The following PRDM16 variants were observed in gnomAD, a reference collection of about 807,000 sequenced individuals.
The protein encoded by PRDM16 is histone-lysine N-methyltransferase PRDM16.
A neutral mutation model predicts 110.6 loss-of-function variants in PRDM16; 23 were observed. The ratio of observed to expected loss-of-function variants is 0.21; its 90% CI spans 0.15 to 0.29. The LOEUF (loss-of-function observed/expected upper bound fraction) is 0.29, where lower values mean the gene tolerates loss of function less well. PRDM16 is among the 10% of genes least tolerant of loss of function. The pLI, the probability that PRDM16 is intolerant of heterozygous loss-of-function variation, is 1.00. For synonymous variants in PRDM16, 799 were observed against 781.8 expected (o/e 1.02, Z -0.37); for missense variants, 1,615 against 1,794.3 (o/e 0.90, Z 1.81).
chr1:3,194,714 A>ATCGTCT (rs1557520301), intron 2 of PRDM16, among the ~76,000 whole-genome samples: 1 of 149,846 alleles, frequency 6.7e-6, no homozygotes, highest in Non-Finnish European at 1.5e-5. Context: ...GCCACACGCC[A>ATCGTCT]CCGTCTCCCC....
chr1:3,361,007 T>A (rs2100558213), intron 3 of PRDM16, among the ~76,000 whole-genome samples: 2 of 152,340 alleles, frequency 1.3e-5, no homozygotes, highest in Admixed American at 1.3e-4. Flanking sequence ...GCCACTTGTG[T>A]GTGCTGGAGC....
At chr1:3,253,473 C>T (rs1009859403) in intron 3 of PRDM16, among the ~76,000 whole-genome samples, 6 of 150,604 alleles carry the variant, frequency 4.0e-5, no homozygotes, top group African/African-American at 1.5e-4. Flanking sequence ...GTTTTTTGTC[C>T]TTGCGATAGT....
chr1:3,203,580 C>T (rs1453796753), intron 2 of PRDM16, among the ~76,000 whole-genome samples: 1 of 142,412 alleles, frequency 7.0e-6, no homozygotes, highest in Non-Finnish European at 1.5e-5. Context: ...CGTTTCTCTC[C>T]CCGGGGGGGC....
intron 3 of PRDM16, among the ~76,000 whole-genome samples, chr1:3,260,810 A>G (rs1463510209): frequency 4.4e-5 from 1 of 22,906 alleles, no homozygotes; most frequent in Non-Finnish European, 9.4e-5. Context: ...TGATGATGAT[A>G]CCATTGATGA....
intron 2 of PRDM16, among the ~76,000 whole-genome samples, chr1:3,241,091 G>C (rs903088933): frequency 6.6e-6 from 1 of 152,326 alleles, no homozygotes; most frequent in African/African-American, 2.4e-5. Flanking sequence ...CGGGGAGCGC[G>C]TCCCGCCATT....
At chr1:3,423,816 G>A (rs1395585144) in intron 12 of PRDM16, among the ~76,000 whole-genome samples, 1 of 152,260 alleles carries the variant, frequency 6.6e-6, no homozygotes, top group African/African-American at 2.4e-5. Flanking sequence ...CTGCTGCAGT[G>A]GGTAGACTTT....
chr1:3,313,739 C>T (rs577284812), intron 3 of PRDM16, among the ~76,000 whole-genome samples: 6 of 152,304 alleles, frequency 3.9e-5, no homozygotes, highest in East Asian at 1.9e-4. Flanking sequence ...CCTGCCCCGG[C>T]GGGCCTGGGA....
chr1:3,149,879 G>A (rs776237761), intron 1 of PRDM16, among the ~76,000 whole-genome samples: 3 of 152,178 alleles, frequency 2.0e-5, no homozygotes, highest in Non-Finnish European at 4.4e-5. Context: ...TCTGAGATGC[G>A]TGTACTCCTG....
At chr1:3,326,121 G>C (rs7550743) in intron 3 of PRDM16, among the ~76,000 whole-genome samples, 278 of 25,622 alleles carry the variant, frequency 0.011, 1 homozygote, top group Middle Eastern at 0.042. Flanking sequence ...CTTGGCCCTC[G>C]TTGGCCATCC....
At chr1:3,128,161 G>T (rs1036628736) in intron 1 of PRDM16, 1 of 154,534 alleles carries the variant, frequency 6.5e-6, no homozygotes, top group African/African-American at 2.4e-5. Context: ...TTGAAGACTA[G>T]ATCTGGGTCT....
rs1352103066 is a variant in PRDM16, at chr1:3,157,012, T to G, written c.38-29113T>G. Among the ~76,000 whole-genome samples the G allele has an allele frequency of 6.6e-6, 1 of 152,050 alleles. No homozygotes were observed. Among genetic ancestry groups the G allele is most frequent in the Non-Finnish European group, 1.5e-5 (1 of 68,000 alleles). On this transcript the variant is annotated intron_variant, in intron 1 of 16. Transcript: ENST00000270722. The surrounding 1 kb of genome is among the most constrained non-coding windows in gnomAD (Gnocchi z 4.8). ...GTGGTGCAAGCTGTAAGCCAGTGAG[T>G]GTCTGGTTAGAGGCTGGGCTGGGGC...
At chr1:3,144,293 G>A (rs1643604876) in intron 1 of PRDM16, among the ~76,000 whole-genome samples, 1 of 152,184 alleles carries the variant, frequency 6.6e-6, no homozygotes, top group African/African-American at 2.4e-5. Flanking sequence ...AGGGAGAGAG[G>A]CGCCGGCCAT....
At chr1:3,344,541 C>T (rs1642327666) in intron 3 of PRDM16, among the ~76,000 whole-genome samples, 1 of 152,154 alleles carries the variant, frequency 6.6e-6, no homozygotes, top group Non-Finnish European at 1.5e-5. Flanking sequence ...TTTGGATTGG[C>T]TGTGGTTTTT....
At chr1:3,076,696 G>T (rs1332395464) in intron 1 of PRDM16, among the ~76,000 whole-genome samples, 1 of 152,188 alleles carries the variant, frequency 6.6e-6, no homozygotes, top group Non-Finnish European at 1.5e-5. Flanking sequence ...CCTTTGCATG[G>T]GTGTGCGAGG....
intron 3 of PRDM16, among the ~76,000 whole-genome samples, chr1:3,324,595 C>G (rs1641844073): frequency 6.6e-6 from 1 of 152,174 alleles, no homozygotes; most frequent in South Asian, 2.1e-4. Flanking sequence ...ACCTGGCACC[C>G]TCCCTGGATG....
At chr1:3,324,202 G>T (rs1384779661) in intron 3 of PRDM16, among the ~76,000 whole-genome samples, 1 of 152,074 alleles carries the variant, frequency 6.6e-6, no homozygotes, top group East Asian at 1.9e-4. Flanking sequence ...ACTCTACAAA[G>T]TGGGTGCGGA....
intron 3 of PRDM16, among the ~76,000 whole-genome samples, chr1:3,270,054 G>A (rs538874373): frequency 2.0e-4 from 30 of 151,402 alleles, no homozygotes; most frequent in African/African-American, 6.3e-4. Context: ...GTGAGTCCCG[G>A]AGGATGACAG....
intron 1 of PRDM16, among the ~76,000 whole-genome samples, chr1:3,158,737 C>A (rs914283152): frequency 1.4e-5 from 2 of 143,666 alleles, no homozygotes; most frequent in African/African-American, 5.1e-5. Context: ...TCTTCCCTTT[C>A]TTCCCTTTTT....
intron 2 of PRDM16, among the ~76,000 whole-genome samples, chr1:3,240,420 AAAAC>A (rs1182645799): frequency 6.6e-6 from 1 of 151,818 alleles, no homozygotes; most frequent in Non-Finnish European, 1.5e-5. Context: ...AAAAAAAAAA[AAAAC>A]AGAAAAAGAA....
Sources: gnomAD v4.1 joint callset for allele counts (sites outside exome capture counted in the v4.1 genomes callset) on GRCh38, gnomAD v4.1.1 for gene constraint, Gnocchi (gnomAD v3.1) non-coding constraint, MANE v1.5 for transcripts, NCBI Gene and HGNC (gene_info 2026-07-23, HGNC 2026-07-21) for gene names.